The following LHFPL3 variants were observed in gnomAD, a reference collection of about 807,000 sequenced individuals.
LHFPL3 encodes the protein LHFPL tetraspan subfamily member 3.
A neutral mutation model predicts 19.3 loss-of-function variants in LHFPL3; 5 were observed. The ratio of observed to expected loss-of-function variants is 0.26; its 90% CI spans 0.14 to 0.54. The LOEUF (loss-of-function observed/expected upper bound fraction) is 0.54, where lower values mean the gene tolerates loss of function less well. Among genes scored for constraint, LHFPL3 ranks in the 20% least tolerant of loss-of-function variants. The pLI, the probability that LHFPL3 is intolerant of heterozygous loss-of-function variation, is 0.94. For missense variants in LHFPL3, 249 were observed against 307.4 expected (o/e 0.81, Z 1.42); for synonymous variants, 133 against 126.2 (o/e 1.05, Z -0.36).
At chr7:104,570,117 T>C (rs1402846438) in intron 1 of LHFPL3, among the ~76,000 whole-genome samples, 12 of 152,268 alleles carry the variant, frequency 7.9e-5, no homozygotes, top group Non-Finnish European at 1.8e-4. Flanking sequence ...ATGAAAGCTA[T>C]ACTTTGTATC....
chr7:104,740,537 T>C (rs1793914246), intron 2 of LHFPL3, among the ~76,000 whole-genome samples: 1 of 152,170 alleles, frequency 6.6e-6, no homozygotes, highest in Non-Finnish European at 1.5e-5. Context: ...GGGTAATTTA[T>C]AAAGGAAAGA....
chr7:104,765,499 T>G (rs191084471), intron 2 of LHFPL3, among the ~76,000 whole-genome samples: 137 of 152,370 alleles, frequency 9.0e-4, no homozygotes, highest in African/African-American at 3.2e-3. Flanking sequence ...AAGGGATTCA[T>G]CCTTGCTTCT....
intron 1 of LHFPL3, among the ~76,000 whole-genome samples, chr7:104,372,575 A>G (rs1790636331): frequency 6.6e-6 from 1 of 152,184 alleles, no homozygotes; most frequent in Non-Finnish European, 1.5e-5. Flanking sequence ...AAAAGGTCTA[A>G]TGGTTAACAT....
chr7:104,536,375 T>C (rs1027316490), intron 1 of LHFPL3, among the ~76,000 whole-genome samples: 32 of 152,280 alleles, frequency 2.1e-4, no homozygotes, highest in African/African-American at 7.2e-4. Context: ...GATGAATTCA[T>C]ATATTTACAA....
chr7:104,452,939 C>T (rs1792468291), intron 1 of LHFPL3, among the ~76,000 whole-genome samples: 1 of 152,034 alleles, frequency 6.6e-6, no homozygotes, highest in African/African-American at 2.4e-5. Flanking sequence ...TCAGAAGCAC[C>T]CACCCCTTAC....
intron 1 of LHFPL3, among the ~76,000 whole-genome samples, chr7:104,428,814 T>C (rs1006343439): frequency 6.6e-6 from 1 of 152,232 alleles, no homozygotes; most frequent in Admixed American, 6.5e-5. Flanking sequence ...GATATCAGTA[T>C]GATTTTCTCT....
chr7:104,451,886 A>G (rs1480351920), intron 1 of LHFPL3, among the ~76,000 whole-genome samples: 1 of 152,136 alleles, frequency 6.6e-6, no homozygotes, highest in Non-Finnish European at 1.5e-5. Context: ...CTGCAGCTAC[A>G]GGCATGTGCC....
intron 1 of LHFPL3, among the ~76,000 whole-genome samples, chr7:104,554,888 T>C (rs1248996899): frequency 6.6e-6 from 1 of 152,162 alleles, no homozygotes; most frequent in Non-Finnish European, 1.5e-5. Flanking sequence ...GGGGGACCAC[T>C]AGTGAAAGTC....
At chr7:104,676,470 T>C (rs1792593859) in intron 1 of LHFPL3, among the ~76,000 whole-genome samples, 1 of 152,188 alleles carries the variant, frequency 6.6e-6, no homozygotes, top group African/African-American at 2.4e-5. Context: ...TACAATCAGA[T>C]GTAAAAGCAA....
chr7:104,729,920 A>G (rs1430460454), intron 1 of LHFPL3, among the ~76,000 whole-genome samples: 1 of 125,450 alleles, frequency 8.0e-6, no homozygotes, highest in Admixed American at 8.6e-5. Context: ...AACAGGCCCC[A>G]GTGTGTGATG....
intron 1 of LHFPL3, among the ~76,000 whole-genome samples, chr7:104,501,588 A>G (rs1793599272): frequency 6.6e-6 from 1 of 152,168 alleles, no homozygotes; most frequent in South Asian, 2.1e-4. Flanking sequence ...ATAGTCACTC[A>G]TGCCTCTTCT....
At chr7:104,429,339 C>G in intron 1 of LHFPL3, among the ~76,000 whole-genome samples, 1 of 101,130 alleles carries the variant, frequency 9.9e-6, no homozygotes, top group South Asian at 3.2e-4. Context: ...CAGAGTTTCT[C>G]TCTTGTTGCC....
intron 1 of LHFPL3, among the ~76,000 whole-genome samples, chr7:104,485,275 G>C (rs1793217092): frequency 1.0e-5 from 1 of 97,478 alleles, no homozygotes. Context: ...CCTATTTTAT[G>C]GAGTGTTCTT....
chr7:104,787,996 T>G (rs1789953362), intron 2 of LHFPL3, among the ~76,000 whole-genome samples: 1 of 152,206 alleles, frequency 6.6e-6, no homozygotes, highest in Non-Finnish European at 1.5e-5. Context: ...TGTATAGCAG[T>G]TATCTTTGTC....
At chr7:104,672,376 G>A (rs1792501669) in intron 1 of LHFPL3, among the ~76,000 whole-genome samples, 1 of 152,124 alleles carries the variant, frequency 6.6e-6, no homozygotes, top group Non-Finnish European at 1.5e-5. Context: ...GGAACTTCTT[G>A]AGGTCAGAGT....
chr7:104,673,283 C>CTAA (rs1449037577), intron 1 of LHFPL3, among the ~76,000 whole-genome samples: 1 of 152,210 alleles, frequency 6.6e-6, no homozygotes, highest in Non-Finnish European at 1.5e-5. Flanking sequence ...TTGGGAAACA[C>CTAA]TAATCGTTTT....
rs1229885103 is a variant in LHFPL3, at chr7:104,907,425, T to C, written c.*1210T>C. On this transcript the variant is annotated 3_prime_UTR_variant, in exon 3 of 3. Coordinates refer to ENST00000424859, the MANE Select transcript of LHFPL3 (RefSeq NM_199000.3). ...GTTTCAAAAATACTCAGATTCATTT[T>C]AGTTGGCTGACATCTGGAAGTAGTT... 1.3e-5 allele frequency among the ~76,000 whole-genome samples: 2 copies of C among 152,224 alleles called. No individual in the cohort carries two copies. The highest frequency in any genetic ancestry group is 4.8e-5 in the African/African-American group (2 of 41,464).
intron 1 of LHFPL3, among the ~76,000 whole-genome samples, chr7:104,501,563 T>C (rs900907223): frequency 6.6e-6 from 1 of 152,180 alleles, no homozygotes; most frequent in African/African-American, 2.4e-5. Context: ...CTAAACATAA[T>C]GGTGAGTCAT....
At chr7:104,331,766 A>G (rs1584591132) in intron 1 of LHFPL3, among the ~76,000 whole-genome samples, 1 of 152,074 alleles carries the variant, frequency 6.6e-6, no homozygotes, top group South Asian at 2.1e-4. Context: ...CCTGGCCAAC[A>G]TGGTGAAACT....
Sources: gnomAD v4.1 joint callset for allele counts (sites outside exome capture counted in the v4.1 genomes callset) on GRCh38, gnomAD v4.1.1 for gene constraint, MANE v1.5 for transcripts, NCBI Gene and HGNC (gene_info 2026-07-23, HGNC 2026-07-21) for gene names.